PRSS12: variants seen among roughly 807,000 people sequenced by gnomAD.
The protein encoded by PRSS12 is neurotrypsin.
Under a neutral mutation model 104.4 loss-of-function variants are expected in PRSS12, and 85 were observed. That is an observed-to-expected ratio of 0.81 (90% CI 0.68 to 0.98). The LOEUF (loss-of-function observed/expected upper bound fraction) is 0.98. PRSS12 is among the 50% of genes least tolerant of loss of function. PRSS12 has a pLI of 0.00. For missense variants in PRSS12, 1,141 were observed against 1,139.2 expected, an observed-to-expected ratio of 1.00 and a Z score of -0.02; for synonymous variants, 454 against 425.2, an observed-to-expected ratio of 1.07 and a Z score of -0.83.
chr4:118,285,576 G>A (rs1341599937), intron 11 of PRSS12, among the ~76,000 whole-genome samples: 2 of 152,064 alleles, frequency 1.3e-5, no homozygotes, highest in South Asian at 4.1e-4. Context: ...CTAGCTAACT[G>A]TGGTTACTGC....
chr4:118,341,038 TAC>T (rs1410872565), intron 1 of PRSS12, among the ~76,000 whole-genome samples: 6 of 152,186 alleles, frequency 3.9e-5, no homozygotes, highest in Admixed American at 3.9e-4. Flanking sequence ...GGCCAGTTTT[TAC>T]ACAGAAAGCT....
At chr4:118,337,374 A>C (rs940736474) in intron 2 of PRSS12, among the ~76,000 whole-genome samples, 29 of 152,352 alleles carry the variant, frequency 1.9e-4, no homozygotes, top group African/African-American at 7.0e-4. Flanking sequence ...AGACACAAAA[A>C]CAAAAGAATA....
chr4:118,323,114 G>A (rs1723676332), intron 4 of PRSS12, among the ~76,000 whole-genome samples: 1 of 151,956 alleles, frequency 6.6e-6, no homozygotes, highest in Non-Finnish European at 1.5e-5. Flanking sequence ...TACAGAAAAA[G>A]TTTGCAGACC....
At chr4:118,314,446 A>T (rs987491782) in intron 6 of PRSS12, among the ~76,000 whole-genome samples, 5 of 152,120 alleles carry the variant, frequency 3.3e-5, no homozygotes, top group African/African-American at 4.8e-5. Context: ...CTAGAAAAGT[A>T]ATAAGCCTAA....
At chr4:118,341,099 T>C (rs1724195313) in intron 1 of PRSS12, among the ~76,000 whole-genome samples, 1 of 152,112 alleles carries the variant, frequency 6.6e-6, no homozygotes, top group Non-Finnish European at 1.5e-5. Context: ...TGGCTGATTG[T>C]GGAAACAAGG....
At chr4:118,340,798 T>G (rs1473963878) in intron 1 of PRSS12, among the ~76,000 whole-genome samples, 1 of 152,220 alleles carries the variant, frequency 6.6e-6, no homozygotes, top group Non-Finnish European at 1.5e-5. Flanking sequence ...ACTGCCCATT[T>G]TTATGTTCAG....
chr4:118,299,746 T>TAAATAAAATA (rs1743349117), intron 8 of PRSS12, among the ~76,000 whole-genome samples: 4 of 82,424 alleles, frequency 4.9e-5, no homozygotes, highest in African/African-American at 2.1e-4. Flanking sequence ...TAAAATAAAA[T>TAAATAAAATA]AAATAAAATA....
intron 3 of PRSS12, 38 bp downstream of exon 3, chr4:118,335,435 A>T (rs2126041697): frequency 6.2e-7 from 1 of 1,608,694 alleles, no homozygotes; most frequent in East Asian, 2.2e-5. Context: ...TTAAAACATA[A>T]TGAAAGTAAA....
At chr4:118,337,032 T>G (rs1560784781) in intron 2 of PRSS12, among the ~76,000 whole-genome samples, 1 of 152,244 alleles carries the variant, frequency 6.6e-6, no homozygotes, top group Non-Finnish European at 1.5e-5. Flanking sequence ...TTAATTTTAA[T>G]TTACTATAAT....
chr4:118,331,454 C>T (rs7675332), intron 4 of PRSS12, among the ~76,000 whole-genome samples: 9 of 152,132 alleles, frequency 5.9e-5, no homozygotes, highest in South Asian at 2.1e-4. Context: ...CTGGGAGTAA[C>T]GTAAAGACTA....
intron 8 of PRSS12, among the ~76,000 whole-genome samples, chr4:118,301,900 G>T (rs1436111066): frequency 6.6e-6 from 1 of 151,976 alleles, no homozygotes; most frequent in Non-Finnish European, 1.5e-5. Context: ...TAAATATTCT[G>T]ACCCTTCCTT....
intron 1 of PRSS12, among the ~76,000 whole-genome samples, chr4:118,340,912 T>C (rs919606229): frequency 1.3e-5 from 2 of 152,214 alleles, no homozygotes; most frequent in African/African-American, 4.8e-5. Context: ...CTTATCAGTT[T>C]AGATTTTTCT....
At chr4:118,292,380 G>A (rs115874133) in intron 11 of PRSS12, among the ~76,000 whole-genome samples, 1 of 152,132 alleles carries the variant, frequency 6.6e-6, no homozygotes, top group Non-Finnish European at 1.5e-5. Context: ...TTTAGAGCAG[G>A]GGCTCAGGAA....
chr4:118,339,039 A>C (rs1724132219), intron 1 of PRSS12, among the ~76,000 whole-genome samples: 1 of 152,162 alleles, frequency 6.6e-6, no homozygotes, highest in Admixed American at 6.5e-5. Context: ...CAAAGTCCAC[A>C]ATTTAAGTCA....
intron 6 of PRSS12, 134 bp downstream of exon 6, chr4:118,316,048 G>T: frequency 2.1e-6 from 2 of 968,886 alleles, no homozygotes; most frequent in Non-Finnish European, 1.5e-6. Context: ...ATTTTTCATT[G>T]TTGTACTTCC....
chr4:118,346,170 T>C (rs957217263), intron 1 of PRSS12, among the ~76,000 whole-genome samples: 5 of 152,150 alleles, frequency 3.3e-5, no homozygotes, highest in Admixed American at 2.6e-4. Context: ...CTGAAGAGGA[T>C]AGAGGAGCCA....
intron 2 of PRSS12, among the ~76,000 whole-genome samples, chr4:118,336,735 G>A (rs1724073481): frequency 6.6e-6 from 1 of 152,126 alleles, no homozygotes; most frequent in African/African-American, 2.4e-5. Context: ...GTATCTCACA[G>A]AAAATTTTAT....
Position 118,313,240 on chromosome 4 carries a change from C to G in PRSS12, c.1450G>C (p.Ala484Pro). ...DCSHREDVSI[A>P]CYPGGEGHRL... ...TGTCCCTCGCCGCCAGGGTAGCAGG[C>G]AATGCTAACATCTTCGCGGTGGCTG... The change falls in exon 7 of 13, where the codon GCC (alanine) becomes CCC (proline). Residue 484 changes from alanine to proline, a missense_variant. Ala to Pro is a conservative substitution (Grantham distance 27). Coordinates refer to ENST00000296498, the MANE Select transcript of PRSS12 (RefSeq NM_003619.4). 2 of 1,613,986 alleles carry G rather than the reference C, an allele frequency of 1.2e-6. No homozygotes were observed. The highest frequency in any genetic ancestry group is 2.2e-5 in the East Asian group (1 of 44,838).
At position 118,308,496 on chromosome 4, in the gene PRSS12, A is replaced by G; in HGVS notation, c.1571T>C (p.Ile524Thr). Residue 524 changes from isoleucine to threonine, a missense_variant, in exon 8 of 13, where the codon ATC becomes ACC. Physicochemically the swap from Ile to Thr is moderately conservative, Grantham distance 89. Transcript: ENST00000296498. Reference protein sequence around the residue: ...EVFINGQWGTICDDGWTDKDA... With the variant: ...EVFINGQWGTTCDDGWTDKDA... ...CTTATCAGTCCATCCATCATCACAG[A>G]TTGTTCCCCACTGGCCATTGATAAA... 1 of 1,614,046 alleles carries G rather than the reference A, an allele frequency of 6.2e-7. No homozygotes were observed. The highest frequency in any genetic ancestry group is 8.5e-7 in the Non-Finnish European group (1 of 1,179,968).
Sources: gnomAD v4.1 joint callset for allele counts (sites outside exome capture counted in the v4.1 genomes callset) on GRCh38, gnomAD v4.1.1 for gene constraint, MANE v1.5 for transcripts, NCBI Gene and HGNC (gene_info 2026-07-23, HGNC 2026-07-21) for gene names.